Variants in ELAVL1 observed in about 807,000 individuals in gnomAD.
The protein encoded by ELAVL1 is ELAV-like protein 1.
Under a neutral mutation model 28.4 loss-of-function variants are expected in ELAVL1, and 1 was observed. The observed-to-expected ratio is 0.04, with a 90% CI of 0.01 to 0.17. The LOEUF (loss-of-function observed/expected upper bound fraction) is 0.17, where lower values mean the gene tolerates loss of function less well. Among genes scored for constraint, ELAVL1 ranks in the 10% least tolerant of loss-of-function variants. The pLI is 1.00. For synonymous variants in ELAVL1, 174 were observed against 183.5 expected (o/e 0.95, Z 0.42); for missense variants, 157 against 447.2 (o/e 0.35, Z 5.85).
intron 2 of ELAVL1, among the ~76,000 whole-genome samples, chr19:7,987,757 A>C (rs1319602005): frequency 6.6e-6 from 1 of 152,104 alleles, no homozygotes; most frequent in African/African-American, 2.4e-5. Context: ...GAGATTAACA[A>C]AGCTCCTCCC....
chr19:7,971,124 G>A (rs1349183636), intron 4 of ELAVL1, among the ~76,000 whole-genome samples: 1 of 152,182 alleles, frequency 6.6e-6, no homozygotes, highest in Non-Finnish European at 1.5e-5. Context: ...CCCTGGGGGC[G>A]CAATACTAAG....
chr19:7,984,893 AC>A (rs1985559707), intron 2 of ELAVL1, among the ~76,000 whole-genome samples: 1 of 152,144 alleles, frequency 6.6e-6, no homozygotes, highest in South Asian at 2.1e-4. Flanking sequence ...CCCAGGCGAC[AC>A]CCCCAACCAA....
intron 3 of ELAVL1, among the ~76,000 whole-genome samples, chr19:7,980,164 G>A (rs971962409): frequency 2.6e-4 from 40 of 152,168 alleles, no homozygotes; most frequent in African/African-American, 8.7e-4. Context: ...GATTCTGGCC[G>A]GGAAGCCCTT....
chr19:7,973,816 G>A lies in ELAVL1; in HGVS notation c.339C>T (p.Leu113=), dbSNP rs192725189. 3.7e-6 allele frequency: 6 copies of A among 1,614,138 alleles called. No individual in the cohort carries two copies. The East Asian group carries it at 8.9e-5, about 24-fold the overall frequency. ...CGTCCTTCTGGGTCATGGTCCGCGG[G>A]AGCCCGCTGATGTACAAGTTGGCGT... ...IKDANLYISG[L]PRTMTQKDVE... Residue 113 remains leucine, a synonymous_variant, in exon 4 of 6, where the codon CTC becomes CTT. Transcript: ENST00000407627.
intron 4 of ELAVL1, among the ~76,000 whole-genome samples, chr19:7,969,838 G>A (rs1985057757): frequency 6.6e-6 from 1 of 152,064 alleles, no homozygotes; most frequent in Non-Finnish European, 1.5e-5. Context: ...GTGAAAGGAA[G>A]AAAGCTCTAG....
At chr19:7,971,207 AG>A (rs1985102187) in intron 4 of ELAVL1, among the ~76,000 whole-genome samples, 1 of 152,318 alleles carries the variant, frequency 6.6e-6, no homozygotes. Flanking sequence ...CTGTGTGCAG[AG>A]GTGAGTTCCC....
At position 7,985,068 on chromosome 19, in the gene ELAVL1, C is replaced by T. The variant is rs1481795626; in HGVS notation, c.173-3882G>A. Among the ~76,000 whole-genome samples, 10 of 152,314 alleles carry T rather than the reference C, an allele frequency of 6.6e-5. 1 individual carries two copies. Among genetic ancestry groups the T allele is most frequent in the Middle Eastern group, 3.4e-3 (1 of 294 alleles). On this transcript the variant is annotated intron_variant, in intron 2 of 5. Transcript: ENST00000407627. ...CCAAGTAGCTGGGACTAGAGGGGCA[C>T]GCCACCATGCCCAGCTAATTTTTTA...
intron 1 of ELAVL1, among the ~76,000 whole-genome samples, chr19:7,995,269 G>C (rs1002282283): frequency 6.6e-6 from 1 of 152,248 alleles, no homozygotes; most frequent in Non-Finnish European, 1.5e-5. Context: ...TGCTCAAAAT[G>C]TAATTCAAGC....
intron 2 of ELAVL1, among the ~76,000 whole-genome samples, chr19:7,984,699 C>T (rs79388440): frequency 0.1 from 15,741 of 152,218 alleles, 965 homozygotes; most frequent in South Asian, 0.19. Context: ...AATCTGCTCT[C>T]CTCTCTGTGG....
Position 7,981,776 on chromosome 19 carries a change from C to T in ELAVL1, c.173-590G>A, listed in dbSNP as rs567215470. ...CAGCATCTTTCTGAAAGACCAGTCCCGTGGGTGCCGGCCGCTCTGTGGGGC... is the reference window on the plus strand; with the variant it reads ...CAGCATCTTTCTGAAAGACCAGTCCTGTGGGTGCCGGCCGCTCTGTGGGGC... On this transcript the variant is annotated intron_variant, in intron 2 of 5. Coordinates refer to ENST00000407627, the MANE Select transcript of ELAVL1 (RefSeq NM_001419.3). The surrounding 1 kb of genome is among the most constrained non-coding windows in gnomAD (Gnocchi z 4.2). Among the ~76,000 whole-genome samples the T allele has an allele frequency of 2.0e-5, 3 of 152,284 alleles. No homozygotes were observed. The highest frequency in any genetic ancestry group is 7.2e-5 in the African/African-American group (3 of 41,556).
intron 2 of ELAVL1, among the ~76,000 whole-genome samples, chr19:7,983,243 C>A (rs1232049684): frequency 2.0e-5 from 3 of 152,158 alleles, no homozygotes; most frequent in Non-Finnish European, 4.4e-5. Flanking sequence ...AAGTGAGAAC[C>A]CAGAGCACCA....
chr19:8,003,206 G>A, intron 1 of ELAVL1, among the ~76,000 whole-genome samples: 1 of 150,704 alleles, frequency 6.6e-6, no homozygotes, highest in Non-Finnish European at 1.5e-5. Context: ...TGCTCAACAA[G>A]GCGAAATCCC....
chr19:7,993,724 G>A (rs776381715), intron 1 of ELAVL1, among the ~76,000 whole-genome samples: 3 of 152,092 alleles, frequency 2.0e-5, no homozygotes, highest in South Asian at 2.1e-4. Context: ...TGGAGGTCTC[G>A]GTGAGAGCCC....
intron 3 of ELAVL1, among the ~76,000 whole-genome samples, chr19:7,978,821 C>T (rs1985375288): frequency 6.6e-6 from 1 of 152,170 alleles, no homozygotes; most frequent in Non-Finnish European, 1.5e-5. Context: ...TGTGCTGGGG[C>T]TGTGCTAACT....
Position 7,967,645 on chromosome 19 carries a change from G to A in ELAVL1, c.576C>T (p.Asn192=), listed in dbSNP as rs772532543. Residue 192 remains asparagine (N), a synonymous_variant, in exon 5 of 6, where the codon AAC becomes AAT. Transcript: ENST00000407627. The part of the protein sequence containing the change: ...KFAANPNQNK[N]VALLSQLYHS... ...GGTACAGCTGCGAGAGGAGTGCCAC[G>A]TTTTTGTTCTGGTTGGGGTTGGCTG... 5 of 1,614,092 alleles carry A rather than the reference G, an allele frequency of 3.1e-6. No homozygotes were observed. Among genetic ancestry groups the A allele is most frequent in the South Asian group, 1.1e-5 (1 of 91,090 alleles).
chr19:7,972,486 C>T (rs1298532393), intron 4 of ELAVL1, among the ~76,000 whole-genome samples: 1 of 152,254 alleles, frequency 6.6e-6, no homozygotes, highest in Admixed American at 6.5e-5. Context: ...GAGGAATTCG[C>T]TGCCATGTGC....
At chr19:7,974,841 G>A (rs1224903102) in intron 3 of ELAVL1, among the ~76,000 whole-genome samples, 1 of 152,206 alleles carries the variant, frequency 6.6e-6, no homozygotes, top group Non-Finnish European at 1.5e-5. Context: ...GGCAGAATCT[G>A]CGTGCTGAGA....
intron 1 of ELAVL1, among the ~76,000 whole-genome samples, chr19:8,003,940 A>C (rs893830695): frequency 5.3e-5 from 8 of 152,216 alleles, no homozygotes; most frequent in Non-Finnish European, 1.5e-5. Context: ...TTGTGATTAT[A>C]GGAGCAGTAC....
chr19:7,994,110 T>C (rs1985821425), intron 1 of ELAVL1, among the ~76,000 whole-genome samples: 1 of 152,180 alleles, frequency 6.6e-6, no homozygotes, highest in East Asian at 1.9e-4. Context: ...CTCCATGAAA[T>C]TAAAAACCTC....
Sources: gnomAD v4.1 joint callset for allele counts (sites outside exome capture counted in the v4.1 genomes callset) on GRCh38, gnomAD v4.1.1 for gene constraint, Gnocchi (gnomAD v3.1) non-coding constraint, MANE v1.5 for transcripts, NCBI Gene and HGNC (gene_info 2026-07-23, HGNC 2026-07-21) for gene names.